CNTN6: variants seen among roughly 807,000 people sequenced by gnomAD.
CNTN6 encodes contactin 6.
Under a neutral mutation model 122.8 loss-of-function variants are expected in CNTN6, and 137 were observed. The ratio of observed to expected loss-of-function variants is 1.12; its 90% CI spans 0.97 to 1.29. The LOEUF (loss-of-function observed/expected upper bound fraction) is 1.29, where lower values mean the gene tolerates loss of function less well. CNTN6 is among the 50% of genes most tolerant of loss of function. The pLI is 0.00. For missense variants in CNTN6, 1,634 were observed against 1,223.4 expected, an observed-to-expected ratio of 1.34 and a Z score of -5.01; for synonymous variants, 570 against 426.0, an observed-to-expected ratio of 1.34 and a Z score of -4.16.
At chr3:1,294,482 T>C (rs1224032143) in intron 5 of CNTN6, among the ~76,000 whole-genome samples, 3 of 152,132 alleles carry the variant, frequency 2.0e-5, no homozygotes, top group Non-Finnish European at 4.4e-5. Flanking sequence ...ATCTTCCTCA[T>C]TTTACTTGGG....
At chr3:1,276,035 T>A (rs1559681294) in intron 4 of CNTN6, among the ~76,000 whole-genome samples, 1 of 152,150 alleles carries the variant, frequency 6.6e-6, no homozygotes, top group Non-Finnish European at 1.5e-5. Context: ...TTTGTTCCAA[T>A]TAGACCATAG....
At chr3:1,185,385 C>T (rs6797701) in intron 2 of CNTN6, among the ~76,000 whole-genome samples, 12,420 of 152,130 alleles carry the variant, frequency 0.082, 1,400 homozygotes, top group East Asian at 0.47. Context: ...GCAAAATATT[C>T]ACTTTGATAC....
intron 4 of CNTN6, among the ~76,000 whole-genome samples, chr3:1,265,644 A>G (rs1303320391): frequency 6.6e-6 from 1 of 152,144 alleles, no homozygotes; most frequent in Non-Finnish European, 1.5e-5. Flanking sequence ...AGCATTCTAT[A>G]TCTTGATTTT....
intron 2 of CNTN6, among the ~76,000 whole-genome samples, chr3:1,158,854 A>AGTGTGTG (rs1559422311): frequency 1.8e-5 from 1 of 55,398 alleles, no homozygotes; most frequent in African/African-American, 8.7e-5. Context: ...ATATACATAC[A>AGTGTGTG]TATATATACA....
chr3:1,187,033 G>A lies in CNTN6; in HGVS notation c.56-33654G>A, dbSNP rs1430159772. 6.6e-5 allele frequency among the ~76,000 whole-genome samples: 10 copies of A among 152,068 alleles called. No homozygotes were observed. In the South Asian group the frequency reaches 8.3e-4, roughly 13 times the overall value. ...TGAGAGCAAAACAGGTAGTACCTCC[G>A]TGTGTCCTAGCAAATGGCCCAACAC... On this transcript the variant is annotated intron_variant, in intron 2 of 22. Coordinates refer to ENST00000446702, the MANE Select transcript of CNTN6 (RefSeq NM_001289080.2).
chr3:1,329,421 C>G (rs142574015), intron 10 of CNTN6, among the ~76,000 whole-genome samples: 7 of 151,818 alleles, frequency 4.6e-5, no homozygotes, highest in African/African-American at 1.7e-4. Flanking sequence ...CTTTGTCTAA[C>G]TTGCCTCCTC....
rs1692597541 is a variant in CNTN6 at position 1,384,800 on chromosome 3, C to CATATATATATATATATATATATAT, written c.2518-810_2518-809insTATATATATATATATATATATATA. Among the ~76,000 whole-genome samples, 4 of 130,376 alleles carry CATATATATATATATATATATATAT rather than the reference C, an allele frequency of 3.1e-5. No homozygotes were observed. The Admixed American group carries it at 3.1e-4, about 10-fold the overall frequency. 85.5% of individuals were successfully genotyped at this position (130,376 alleles called of 152,430 possible). On this transcript the variant is annotated intron_variant, in intron 19 of 22. Coordinates refer to ENST00000446702, the MANE Select transcript of CNTN6 (RefSeq NM_001289080.2). ...ATATATATATATATATATATATACA[C>CATATATATATATATATATATATAT]ACACACACACACATATATATATATA...
chr3:1,303,597 G>A (rs1033056411), intron 7 of CNTN6, among the ~76,000 whole-genome samples: 1 of 152,034 alleles, frequency 6.6e-6, no homozygotes, highest in Non-Finnish European at 1.5e-5. Flanking sequence ...AATTATATAG[G>A]AGCCCTAAAT....
chr3:1,313,889 G>T (rs73816298), intron 7 of CNTN6, among the ~76,000 whole-genome samples: 3,283 of 152,076 alleles, frequency 0.022, 110 homozygotes, highest in African/African-American at 0.074. Flanking sequence ...CTGTGTCCTC[G>T]CATGGTGGAA....
intron 2 of CNTN6, among the ~76,000 whole-genome samples, chr3:1,174,590 T>C (rs9816779): frequency 0.041 from 6,180 of 152,234 alleles, 406 homozygotes; most frequent in African/African-American, 0.14. Context: ...AATTCAAGAT[T>C]ATAATTGTAG....
intron 4 of CNTN6, among the ~76,000 whole-genome samples, chr3:1,260,853 C>A (rs1291415066): frequency 1.3e-5 from 2 of 152,082 alleles, no homozygotes; most frequent in Non-Finnish European, 2.9e-5. Flanking sequence ...TTCCTGAGGC[C>A]TCCCCAGACA....
chr3:1,401,219 T>C (rs1326910611), intron 20 of CNTN6: 4 of 471,548 alleles, frequency 8.5e-6, no homozygotes. Flanking sequence ...CATTATTAAT[T>C]CATAAGTCTG....
chr3:1,243,821 G>C (rs1237880682), intron 4 of CNTN6, among the ~76,000 whole-genome samples: 1 of 152,108 alleles, frequency 6.6e-6, no homozygotes, highest in Non-Finnish European at 1.5e-5. Context: ...GCTGGGTCTG[G>C]CAATGAGCAG....
intron 2 of CNTN6, among the ~76,000 whole-genome samples, chr3:1,157,509 G>T (rs778345699): frequency 6.6e-6 from 1 of 152,100 alleles, no homozygotes; most frequent in African/African-American, 2.4e-5. Context: ...AAGCCACCAC[G>T]CCTGGCCCTG....
intron 4 of CNTN6, among the ~76,000 whole-genome samples, chr3:1,240,039 C>G (rs2094463439): frequency 6.6e-6 from 1 of 152,048 alleles, no homozygotes; most frequent in Non-Finnish European, 1.5e-5. Context: ...ATATCAAAGA[C>G]TAAATATAAG....
intron 1 of CNTN6, among the ~76,000 whole-genome samples, chr3:1,133,843 C>G (rs1010603714): frequency 6.6e-6 from 1 of 152,122 alleles, no homozygotes; most frequent in African/African-American, 2.4e-5. Context: ...TTTCCTTCCT[C>G]GGATCCTCTA....
intron 1 of CNTN6, among the ~76,000 whole-genome samples, chr3:1,095,756 G>C (rs1160606726): frequency 6.6e-6 from 1 of 152,160 alleles, no homozygotes; most frequent in African/African-American, 2.4e-5. Flanking sequence ...AAATGCATTT[G>C]CAATGTGACT....
chr3:1,100,299 CT>C (rs2090814335), intron 1 of CNTN6, among the ~76,000 whole-genome samples: 1 of 152,124 alleles, frequency 6.6e-6, no homozygotes, highest in African/African-American at 2.4e-5. Flanking sequence ...GTGGAAGATA[CT>C]TTTCTCTCAA....
intron 7 of CNTN6, among the ~76,000 whole-genome samples, chr3:1,303,753 T>G (rs1697841414): frequency 6.6e-6 from 1 of 152,140 alleles, no homozygotes; most frequent in African/African-American, 2.4e-5. Flanking sequence ...ATAAATGTCT[T>G]GTTGTTGAAT....
Sources: allele counts gnomAD v4.1 joint callset (sites outside exome capture counted in the v4.1 genomes callset), GRCh38; gene constraint gnomAD v4.1.1; transcripts MANE v1.5; gene names NCBI Gene and HGNC (gene_info 2026-07-23, HGNC 2026-07-21).